TMC1: variants seen among roughly 807,000 people sequenced by gnomAD.
TMC1 encodes transmembrane channel-like protein 1.
Under a neutral mutation model 105.8 loss-of-function variants are expected in TMC1, and 84 were observed. The ratio of observed to expected loss-of-function variants is 0.79; its 90% CI spans 0.67 to 0.95. TMC1 has a LOEUF of 0.95. TMC1 is among the 40% of genes least tolerant of loss of function. The probability of loss-of-function intolerance (pLI) is 0.00; values close to 1 mark genes in which losing one functional copy is unlikely to be tolerated. For missense variants in TMC1, 817 were observed against 914.1 expected, an observed-to-expected ratio of 0.89 and a Z score of 1.37; for synonymous variants, 315 against 311.5, an observed-to-expected ratio of 1.01 and a Z score of -0.12.
rs369908337 is a variant in TMC1 at position 72,604,428 on chromosome 9, C to T, written c.-305-11940C>T. On this transcript the variant is annotated intron_variant, in intron 2 of 23. Transcript: ENST00000297784. ...AAAACTATTAATATAGAATTATTTACAAGAGACTTCTCTATTTACCAGCCC... is the reference window on the plus strand; with the variant it reads ...AAAACTATTAATATAGAATTATTTATAAGAGACTTCTCTATTTACCAGCCC... 2.6e-5 allele frequency among the ~76,000 whole-genome samples: 4 copies of T among 152,294 alleles called. No individual in the cohort carries two copies. In the South Asian group the frequency reaches 6.2e-4, roughly 24 times the overall value.
Position 72,694,661 on chromosome 9 carries a change from A to G in TMC1, c.183A>G (p.Glu61=). 1 of 1,612,748 alleles carries G rather than the reference A, an allele frequency of 6.2e-7. No homozygotes were observed. Among genetic ancestry groups the G allele is most frequent in the Non-Finnish European group, 8.5e-7 (1 of 1,179,310 alleles). The change falls in exon 7 of 24, where the codon GAA becomes GAG. Residue 61 remains glutamate (E), a synonymous_variant. Coordinates refer to ENST00000297784, the MANE Select transcript of TMC1 (RefSeq NM_138691.3). The part of the protein sequence containing the change: ...EDDPEPEPED[E]ETRKAREKER... ...ACCCAGAACCTGAACCAGAGGATGA[A>G]GAAACAAGGAAGGCAAGAGAAAAAG...
intron 4 of TMC1, among the ~76,000 whole-genome samples, chr9:72,639,820 A>C (rs1825595001): frequency 1.3e-5 from 2 of 152,146 alleles, no homozygotes; most frequent in African/African-American, 4.8e-5. Flanking sequence ...ATGTAATTTA[A>C]TTTTCTGTTA....
intron 5 of TMC1, among the ~76,000 whole-genome samples, chr9:72,667,869 C>T (rs951282506): frequency 6.6e-6 from 1 of 152,310 alleles, no homozygotes; most frequent in Middle Eastern, 3.4e-3. Context: ...TGACTTCTAA[C>T]CTCTTTACAT....
intron 17 of TMC1, among the ~76,000 whole-genome samples, chr9:72,801,983 C>A (rs1454283540): frequency 6.6e-6 from 1 of 152,124 alleles, no homozygotes; most frequent in African/African-American, 2.4e-5. Flanking sequence ...GACTTCCAAA[C>A]CACTCTGAAA....
rs779595582 is a variant in TMC1, at chr9:72,820,917, C to T, written c.1839C>T (p.Cys613=). The change falls in exon 20 of 24, where the codon TGC becomes TGT. Residue 613 remains cysteine, a synonymous_variant. Transcript: ENST00000297784. ...LRLHTSMYFQ[C]WAVMCCNVPE... ...TCCATACATCCATGTACTTCCAGTG[C>T]TGGGCCGTTATGTGCTGCAATGTTC... is the stretch of plus-strand genomic sequence containing the variant. 3.7e-6 allele frequency: 6 copies of T among 1,614,012 alleles called. No homozygotes were observed. The African/African-American group carries it at 4.0e-5, about 11-fold the overall frequency.
At chr9:72,545,137 T>TACACAC (rs61673540) in intron 1 of TMC1, among the ~76,000 whole-genome samples, 1 of 148,078 alleles carries the variant, frequency 6.8e-6, no homozygotes, top group Non-Finnish European at 1.5e-5. Flanking sequence ...GATATATATA[T>TACACAC]ACACACACAC....
intron 1 of TMC1, among the ~76,000 whole-genome samples, chr9:72,548,752 G>A (rs899198869): frequency 1.3e-5 from 2 of 152,116 alleles, no homozygotes; most frequent in African/African-American, 4.8e-5. Context: ...TTGAGAGGGC[G>A]AGGCAGGAGG....
intron 18 of TMC1, among the ~76,000 whole-genome samples, chr9:72,814,947 T>TGTGTGTGTG (rs1491134900): frequency 6.5e-5 from 8 of 123,908 alleles, no homozygotes; most frequent in South Asian, 2.6e-4. Context: ...TGTGTGTGTG[T>TGTGTGTGTG]TGGGGAGGGA....
intron 8 of TMC1, among the ~76,000 whole-genome samples, chr9:72,739,440 T>C (rs1827352806): frequency 6.6e-6 from 1 of 152,262 alleles, no homozygotes. Context: ...GCTTGCATTA[T>C]GTTTTGATGA....
chr9:72,634,398 G>A (rs1825498770), intron 4 of TMC1, among the ~76,000 whole-genome samples: 1 of 152,094 alleles, frequency 6.6e-6, no homozygotes. Context: ...GGTAAGCTAG[G>A]GAACAATGTC....
intron 5 of TMC1, among the ~76,000 whole-genome samples, chr9:72,669,028 G>A (rs748818867): frequency 3.9e-5 from 6 of 152,100 alleles, no homozygotes; most frequent in Non-Finnish European, 1.5e-5. Context: ...AATACAGCTG[G>A]GTGCAGTGGC....
Position 72,779,101 on chromosome 9 carries a change from C to T in TMC1, c.884+6546C>T, listed in dbSNP as rs144678000. On this transcript the variant is annotated intron_variant, in intron 13 of 23. Transcript: ENST00000297784. ...CTCCTTCAGCACAGCAGGTGTTTAA[C>T]CTTGAGAGGCCAGAGAACAAAGCTG... is the stretch of plus-strand genomic sequence containing the variant. 9.6e-3 allele frequency among the ~76,000 whole-genome samples: 1,465 copies of T among 152,304 alleles called. 32 individuals carry two copies. The highest frequency in any genetic ancestry group is 0.034 in the African/African-American group (1,404 of 41,560).
intron 8 of TMC1, among the ~76,000 whole-genome samples, chr9:72,727,583 G>A (rs1485338515): frequency 6.6e-6 from 1 of 151,932 alleles, no homozygotes; most frequent in Non-Finnish European, 1.5e-5. Context: ...ACAGTAAAGG[G>A]GCAAGGGGAA....
At chr9:72,751,699 T>C (rs1827582308) in intron 10 of TMC1, 151 bp from the exon 11 acceptor site, 1 of 634,864 alleles carries the variant, frequency 1.6e-6, no homozygotes, top group Non-Finnish European at 2.8e-6. Context: ...TCTTCCTGAA[T>C]AGAGAGAAAA....
intron 8 of TMC1, among the ~76,000 whole-genome samples, chr9:72,702,611 T>G (rs967817305): frequency 1.3e-5 from 2 of 151,902 alleles, no homozygotes; most frequent in Non-Finnish European, 2.9e-5. Flanking sequence ...TGGAGAGAAT[T>G]TGGGACCTGG....
chr9:72,656,666 T>A (rs1223969875), intron 5 of TMC1, among the ~76,000 whole-genome samples: 3 of 152,196 alleles, frequency 2.0e-5, no homozygotes, highest in Non-Finnish European at 4.4e-5. Flanking sequence ...TACTTGGTAA[T>A]TTTTTTATCA....
chr9:72,715,962 T>G (rs142445335), intron 8 of TMC1, among the ~76,000 whole-genome samples: 2,579 of 152,264 alleles, frequency 0.017, 67 homozygotes, highest in African/African-American at 0.059. Flanking sequence ...TCCTTTTTGT[T>G]GATGTTGATA....
At chr9:72,734,492 T>A (rs976747781) in intron 8 of TMC1, among the ~76,000 whole-genome samples, 4 of 152,056 alleles carry the variant, frequency 2.6e-5, no homozygotes, top group African/African-American at 9.7e-5. Flanking sequence ...ACTTCCAGTA[T>A]TTGGGATGAT....
rs757513819 is a variant in TMC1, at chr9:72,742,554, A to T, written c.535+29A>T. On this transcript the variant is annotated intron_variant, in intron 10 of 23. Coordinates refer to ENST00000297784, the MANE Select transcript of TMC1 (RefSeq NM_138691.3). ...AGTCCTTATCAGATCTCAGGTGGAG[A>T]AGGTTGTCTTAGAGAAGTATCTCAT... is the stretch of plus-strand genomic sequence containing the variant. 1.3e-5 allele frequency: 20 copies of T among 1,582,478 alleles called. No individual in the cohort carries two copies. In the East Asian group the frequency reaches 4.5e-4, roughly 35 times the overall value.
Sources: allele counts gnomAD v4.1 joint callset (sites outside exome capture counted in the v4.1 genomes callset), GRCh38; gene constraint gnomAD v4.1.1; transcripts MANE v1.5; gene names NCBI Gene and HGNC (gene_info 2026-07-23, HGNC 2026-07-21).